Variants in HTR1F observed in about 807,000 individuals in gnomAD.
The protein encoded by HTR1F is 5-hydroxytryptamine receptor 1F, also known as 5-hydroxytryptamine (serotonin) receptor 1F, G protein-coupled.
HTR1F carries 17 observed loss-of-function variants against 24.0 expected under a neutral mutation model. That is an observed-to-expected ratio of 0.71 (90% CI 0.48 to 1.06). The LOEUF (loss-of-function observed/expected upper bound fraction) is 1.06. Ranked by LOEUF, HTR1F falls within the 50% of genes least tolerant of loss-of-function variation. The pLI, the probability that HTR1F is intolerant of heterozygous loss-of-function variation, is 0.00. For missense variants in HTR1F, 391 were observed against 427.8 expected, an observed-to-expected ratio of 0.91 and a Z score of 0.76; for synonymous variants, 186 against 156.8, an observed-to-expected ratio of 1.19 and a Z score of -1.39.
intron 2 of HTR1F, among the ~76,000 whole-genome samples, chr3:87,872,451 A>G (rs1272986258): frequency 6.6e-6 from 1 of 152,070 alleles, no homozygotes; most frequent in East Asian, 1.9e-4. Context: ...GTGAAACAGA[A>G]TAGAAAAAGT....
At chr3:87,972,967 T>C (rs1225582414) in intron 2 of HTR1F, among the ~76,000 whole-genome samples, 1 of 148,764 alleles carries the variant, frequency 6.7e-6, no homozygotes. Flanking sequence ...GGTTAGGAGT[T>C]CAAGACCAAC....
intron 2 of HTR1F, among the ~76,000 whole-genome samples, chr3:87,942,876 T>C (rs1238097718): frequency 2.6e-5 from 4 of 152,156 alleles, no homozygotes; most frequent in Admixed American, 2.6e-4. Context: ...TTTTTTAATG[T>C]CTGCAGCTGA....
chr3:87,794,066 G>C (rs1703862711), intron 1 of HTR1F, among the ~76,000 whole-genome samples: 1 of 151,738 alleles, frequency 6.6e-6, no homozygotes, highest in Non-Finnish European at 1.5e-5. Flanking sequence ...TTTGAAATTT[G>C]ATTTGATGAT....
chr3:87,983,785 C>A (rs747242948), intron 2 of HTR1F, among the ~76,000 whole-genome samples: 3 of 152,090 alleles, frequency 2.0e-5, no homozygotes, highest in African/African-American at 4.8e-5. Context: ...AGTAAAAAAA[C>A]ATAGACCATT....
intron 2 of HTR1F, among the ~76,000 whole-genome samples, chr3:87,950,080 G>GT (rs1201500078): frequency 6.6e-6 from 1 of 152,142 alleles, no homozygotes; most frequent in African/African-American, 2.4e-5. Context: ...CCCTACCTTT[G>GT]TAACAGTCTT....
chr3:87,812,108 T>C (rs1704170412), intron 1 of HTR1F, among the ~76,000 whole-genome samples: 1 of 152,128 alleles, frequency 6.6e-6, no homozygotes, highest in African/African-American at 2.4e-5. Flanking sequence ...CAGTCCTTTA[T>C]AGCAATATGA....
intron 2 of HTR1F, among the ~76,000 whole-genome samples, chr3:87,949,663 C>T (rs1704790388): frequency 6.6e-6 from 1 of 152,198 alleles, no homozygotes; most frequent in African/African-American, 2.4e-5. Context: ...AAAATCCCCT[C>T]CCTCTTGAAA....
intron 2 of HTR1F, among the ~76,000 whole-genome samples, chr3:87,886,883 G>A (rs531663336): frequency 8.5e-5 from 13 of 152,280 alleles, no homozygotes; most frequent in African/African-American, 3.1e-4. Flanking sequence ...TCAATATCGT[G>A]AAAATGGCCA....
rs200001405 is a variant in HTR1F, at chr3:87,983,890, GCAC to G, written c.-42-6817_-42-6815del. On this transcript the variant is annotated intron_variant, in intron 2 of 2. Transcript: ENST00000319595. Reference sequence around the variant, plus strand: ...CTTACGCCTTTTCCCTGGAGCAGCAGCACTACTCTCTTCAAGCTGTACCTTGCC... The same window carrying G: ...CTTACGCCTTTTCCCTGGAGCAGCAGTACTCTCTTCAAGCTGTACCTTGCC... Among the ~76,000 whole-genome samples the G allele has an allele frequency of 2.1e-3, 322 of 152,250 alleles. 1 individual carries two copies. The highest frequency in any genetic ancestry group is 7.4e-3 in the African/African-American group (308 of 41,546).
intron 2 of HTR1F, among the ~76,000 whole-genome samples, chr3:87,968,230 G>A (rs1207648828): frequency 6.8e-6 from 1 of 147,830 alleles, no homozygotes; most frequent in Non-Finnish European, 1.5e-5. Flanking sequence ...TTTTTTTTTT[G>A]AGACAGAGTT....
At chr3:87,806,524 CT>C (rs905826896) in intron 1 of HTR1F, among the ~76,000 whole-genome samples, 33 of 151,880 alleles carry the variant, frequency 2.2e-4, no homozygotes, top group African/African-American at 7.5e-4. Flanking sequence ...TTTATTTTTT[CT>C]GTTGAGTTCA....
At chr3:87,953,749 A>G (rs1489900320) in intron 2 of HTR1F, among the ~76,000 whole-genome samples, 1 of 151,790 alleles carries the variant, frequency 6.6e-6, no homozygotes, top group African/African-American at 2.4e-5. Context: ...GATTAATGCA[A>G]CGCTATTCAC....
intron 2 of HTR1F, among the ~76,000 whole-genome samples, chr3:87,964,363 G>A (rs1225998699): frequency 2.0e-5 from 3 of 152,110 alleles, no homozygotes; most frequent in Non-Finnish European, 4.4e-5. Context: ...GGAGTAATTA[G>A]TAATAAAATT....
At position 87,797,970 on chromosome 3, in the gene HTR1F, A is replaced by G. The variant is rs112889777; in HGVS notation, c.-160+5128A>G. Among the ~76,000 whole-genome samples the G allele has an allele frequency of 8.3e-3, 1,268 of 152,250 alleles. 26 individuals are homozygous for G. Among genetic ancestry groups the G allele is most frequent in the African/African-American group, 0.029 (1,216 of 41,532 alleles). ...GGAACTAGCAGGTTGAGGAACAGGG[A>G]CAGTGCCATTTCCCAGAAACTCCCA... On this transcript the variant is annotated intron_variant, in intron 1 of 2. Transcript: ENST00000319595.
At position 87,989,419 on chromosome 3, in the gene HTR1F, C is replaced by T. The variant is rs552987667; in HGVS notation, c.-42-1289C>T. 5.7e-4 allele frequency among the ~76,000 whole-genome samples: 86 copies of T among 152,212 alleles called. No individual in the cohort carries two copies. The South Asian group carries it at 7.3e-3, about 13-fold the overall frequency. The stretch of plus-strand genomic sequence containing the variant: ...CATTATTATAATGGGCAGTGTTGTA[C>T]GATTATTTGATTCCAACTAATCTTA... On this transcript the variant is annotated intron_variant, in intron 2 of 2. Coordinates refer to ENST00000319595, the MANE Select transcript of HTR1F (RefSeq NM_001322209.2).
chr3:87,879,212 G>A (rs897384024), intron 2 of HTR1F, among the ~76,000 whole-genome samples: 1 of 152,118 alleles, frequency 6.6e-6, no homozygotes, highest in African/African-American at 2.4e-5. Context: ...TATAGCATTA[G>A]TAATTGTTAA....
intron 2 of HTR1F, among the ~76,000 whole-genome samples, chr3:87,958,700 A>G (rs1447114404): frequency 1.3e-5 from 2 of 151,568 alleles, no homozygotes; most frequent in Non-Finnish European, 3.0e-5. Context: ...TGACACTGCT[A>G]TCACCATTCC....
At chr3:87,916,902 T>A (rs1182464297) in intron 2 of HTR1F, among the ~76,000 whole-genome samples, 1 of 151,922 alleles carries the variant, frequency 6.6e-6, no homozygotes, top group Non-Finnish European at 1.5e-5. Flanking sequence ...CCAACAACCA[T>A]AAATACACAT....
intron 2 of HTR1F, among the ~76,000 whole-genome samples, chr3:87,965,594 T>C (rs563715017): frequency 1.3e-5 from 2 of 152,188 alleles, no homozygotes; most frequent in East Asian, 1.9e-4. Context: ...ATAAAGTCAA[T>C]AGACATATTC....
Sources: allele counts gnomAD v4.1 joint callset (sites outside exome capture counted in the v4.1 genomes callset), GRCh38; gene constraint gnomAD v4.1.1; transcripts MANE v1.5; gene names NCBI Gene and HGNC (gene_info 2026-07-23, HGNC 2026-07-21).